The following KIAA0930 variants were observed in gnomAD, a reference collection of about 807,000 sequenced individuals.
KIAA0930 encodes the protein KIAA0930.
KIAA0930 carries 24 observed loss-of-function variants against 43.9 expected under a neutral mutation model. The ratio of observed to expected loss-of-function variants is 0.55; its 90% CI spans 0.40 to 0.77. KIAA0930 has a LOEUF of 0.77. Ranked by LOEUF, KIAA0930 falls within the 30% of genes least tolerant of loss-of-function variation. KIAA0930 has a pLI of 0.00. For missense variants in KIAA0930, 461 were observed against 574.2 expected, an observed-to-expected ratio of 0.80 and a Z score of 2.02; for synonymous variants, 259 against 216.4, an observed-to-expected ratio of 1.20 and a Z score of -1.73.
chr22:45,212,935 A>C lies in KIAA0930; in HGVS notation c.65-828T>G, dbSNP rs147487227. ...GTGGGTCTGTCCCCTCTCTAGACAG[A>C]TTCAACACTTCAAAATATGCAGCCA... On this transcript the variant is annotated intron_variant, in intron 1 of 9. Transcript: ENST00000336156. Among the ~76,000 whole-genome samples, 5 of 152,298 alleles carry C rather than the reference A, an allele frequency of 3.3e-5. No individual in the cohort carries two copies. In the East Asian group the frequency reaches 9.7e-4, roughly 29 times the overall value.
intron 1 of KIAA0930, among the ~76,000 whole-genome samples, chr22:45,223,779 GCACCCAGGGTCAGCACTGAGAC>G (rs1179568440): frequency 4.5e-4 from 68 of 150,778 alleles, no homozygotes; most frequent in African/African-American, 1.6e-3. Flanking sequence ...CACCAGATAA[GCACCCAGGGTCAGCACTGAGAC>G]AGCACCCAGG....
chr22:45,220,261 T>G (rs2083759436), intron 1 of KIAA0930, among the ~76,000 whole-genome samples: 1 of 152,020 alleles, frequency 6.6e-6, no homozygotes, highest in African/African-American at 2.4e-5. Context: ...AAGACCAGCC[T>G]GGCAAACATG....
Position 45,197,019 on chromosome 22 carries a change from G to T in KIAA0930, c.*157C>A. 1.7e-6 allele frequency: 1 copy of T among 601,632 alleles called. No individual in the cohort carries two copies. Among genetic ancestry groups the T allele is most frequent in the Non-Finnish European group, 2.9e-6 (1 of 350,160 alleles). 37.3% of individuals were successfully genotyped at this position (601,632 alleles called of 1,614,324 possible). A position where few individuals can be genotyped will look rare whatever the true frequency, so the allele number is the denominator to read the frequency against. On this transcript the variant is annotated 3_prime_UTR_variant, in exon 10 of 10. Coordinates refer to ENST00000336156, the MANE Select transcript of KIAA0930 (RefSeq NM_001009880.2). ...CACTTCAGTTTGGGCTGGTGTTCGT[G>T]GAGTCGGCCCCGGCCCCGGGAGTCG...
chr22:45,205,439 C>T, intron 4 of KIAA0930, 121 bp from the exon 5 acceptor site: 1 of 945,328 alleles, frequency 1.1e-6, no homozygotes, highest in Non-Finnish European at 1.7e-6. Context: ...AGAGACCTAC[C>T]AGGAGATGTG....
intron 1 of KIAA0930, among the ~76,000 whole-genome samples, chr22:45,234,544 C>T (rs1230927071): frequency 6.6e-6 from 1 of 152,252 alleles, no homozygotes; most frequent in East Asian, 1.9e-4. Context: ...GCCCCGTGAA[C>T]ACCCGTCTAC....
intron 7 of KIAA0930, among the ~76,000 whole-genome samples, chr22:45,201,743 C>T (rs891263351): frequency 6.6e-6 from 1 of 152,252 alleles, no homozygotes; most frequent in African/African-American, 2.4e-5. Flanking sequence ...GCAGAAGATA[C>T]CTCCCCCCCA....
Position 45,213,552 on chromosome 22 carries a change from A to G in KIAA0930, c.65-1445T>C, listed in dbSNP as rs1441396250. On this transcript the variant is annotated intron_variant, in intron 1 of 9. Coordinates refer to ENST00000336156, the MANE Select transcript of KIAA0930 (RefSeq NM_001009880.2). ...GAAATTCCTGCCGCGTTTTTGCAAC[A>G]GGCAAAGCCCAAGTCACGCTACTAC... The G allele has an allele frequency of 1.1e-5, 12 of 1,139,214 alleles. No homozygotes were observed. The Admixed American group carries it at 1.9e-4, about 18-fold the overall frequency. 70.6% of individuals were successfully genotyped at this position (1,139,214 alleles called of 1,614,324 possible).
intron 1 of KIAA0930, among the ~76,000 whole-genome samples, chr22:45,224,404 G>A (rs931587872): frequency 1.3e-5 from 2 of 152,218 alleles, no homozygotes; most frequent in African/African-American, 4.8e-5. Context: ...AGGGCTGCCT[G>A]TGTGCCAGGC....
chr22:45,212,417 C>A, intron 1 of KIAA0930: 1 of 1,539,142 alleles, frequency 6.5e-7, no homozygotes, highest in South Asian at 1.2e-5. Context: ...AGGAAAATCC[C>A]GAGGAGCCAG....
intron 1 of KIAA0930, among the ~76,000 whole-genome samples, chr22:45,218,450 C>A (rs572680476): frequency 6.3e-5 from 9 of 143,262 alleles, no homozygotes; most frequent in Non-Finnish European, 1.2e-4. Flanking sequence ...TCCCAAAGTG[C>A]TGGGATTACA....
chr22:45,229,971 C>A (rs932646598), intron 1 of KIAA0930, among the ~76,000 whole-genome samples: 1 of 152,246 alleles, frequency 6.6e-6, no homozygotes, highest in Non-Finnish European at 1.5e-5. Context: ...TGGCAGGCAC[C>A]TGTAATCTCA....
chr22:45,211,806 G>T, intron 2 of KIAA0930, 150 bp downstream of exon 2: 1 of 818,402 alleles, frequency 1.2e-6, no homozygotes, highest in Non-Finnish European at 2.0e-6. Context: ...TGTCTACACA[G>T]TTCCTGGAAT....
At chr22:45,231,117 G>A (rs1306616582) in intron 1 of KIAA0930, among the ~76,000 whole-genome samples, 1 of 151,598 alleles carries the variant, frequency 6.6e-6, no homozygotes, top group Non-Finnish European at 1.5e-5. Context: ...GCCAGGCATG[G>A]TGGTGGCCGC....
intron 1 of KIAA0930, among the ~76,000 whole-genome samples, chr22:45,232,222 G>A (rs2083858385): frequency 6.6e-6 from 1 of 152,150 alleles, no homozygotes; most frequent in Admixed American, 6.5e-5. Context: ...GGTGTGCAGG[G>A]CAGCACTTCT....
intron 7 of KIAA0930, among the ~76,000 whole-genome samples, chr22:45,201,797 C>T (rs1361662985): frequency 6.6e-6 from 1 of 152,186 alleles, no homozygotes; most frequent in African/African-American, 2.4e-5. Flanking sequence ...ATCTGACCAC[C>T]CGGAGATATG....
intron 2 of KIAA0930, among the ~76,000 whole-genome samples, chr22:45,207,249 G>C (rs1028814093): frequency 2.0e-5 from 3 of 151,374 alleles, no homozygotes; most frequent in Non-Finnish European, 4.4e-5. Context: ...GACCTCAAGT[G>C]ATCTACCCAC....
intron 1 of KIAA0930, among the ~76,000 whole-genome samples, chr22:45,233,845 G>A (rs1451437222): frequency 6.6e-6 from 1 of 152,196 alleles, no homozygotes; most frequent in African/African-American, 2.4e-5. Context: ...GATATTAGAT[G>A]ACGTATTGTT....
intron 1 of KIAA0930, among the ~76,000 whole-genome samples, chr22:45,216,027 C>CAA (rs35402834): frequency 0.34 from 48,872 of 144,682 alleles, 8,237 homozygotes; most frequent in South Asian, 0.54. Context: ...GACTCCGTCT[C>CAA]AAAAAAAAAA....
intron 1 of KIAA0930, among the ~76,000 whole-genome samples, chr22:45,215,887 A>G (rs1264555617): frequency 6.6e-6 from 1 of 152,174 alleles, no homozygotes; most frequent in Non-Finnish European, 1.5e-5. Flanking sequence ...AAGAAAGGGA[A>G]CGGGGAGGCG....
Sources: allele counts gnomAD v4.1 joint callset (sites outside exome capture counted in the v4.1 genomes callset), GRCh38; gene constraint gnomAD v4.1.1; transcripts MANE v1.5; gene names NCBI Gene and HGNC (gene_info 2026-07-23, HGNC 2026-07-21).